RGPD1: variants seen among roughly 807,000 people sequenced by gnomAD.
RGPD1 encodes the protein RANBP2 like and GRIP domain containing 1.
Under a neutral mutation model 40.6 loss-of-function variants are expected in RGPD1, and 7 were observed. The ratio of observed to expected loss-of-function variants is 0.17; its 90% CI spans 0.10 to 0.32. The LOEUF (loss-of-function observed/expected upper bound fraction) is 0.32, where lower values mean the gene tolerates loss of function less well. RGPD1 is among the 10% of genes least tolerant of loss of function. The pLI is 1.00. For missense variants in RGPD1, 50 were observed against 472.5 expected (o/e 0.11, Z 8.29); for synonymous variants, 24 against 167.0 (o/e 0.14, Z 6.60).
chr2:86,943,493 A>G (rs1680082339), intron 1 of RGPD1, among the ~76,000 whole-genome samples: 1 of 152,134 alleles, frequency 6.6e-6, no homozygotes, highest in Admixed American at 6.5e-5. Flanking sequence ...AGAAGCTATT[A>G]AAGGTGGATG....
intron 1 of RGPD1, among the ~76,000 whole-genome samples, chr2:86,919,713 C>T (rs1479557322): frequency 3.6e-3 from 397 of 111,330 alleles, no homozygotes; most frequent in African/African-American, 0.012. Context: ...TATAGAATTA[C>T]ACCTGCCTCC....
intron 1 of RGPD1, 72 bp downstream of exon 1, chr2:86,942,380 CCTCGACCT>C: frequency 2.1e-6 from 3 of 1,414,860 alleles, no homozygotes; most frequent in Admixed American, 2.6e-5. Flanking sequence ...CGGGCGGCGG[CCTCGACCT>C]GGCCGGGCGG....
intron 1 of RGPD1, among the ~76,000 whole-genome samples, chr2:86,914,180 GGAC>G (rs1425312585): frequency 1.7e-4 from 10 of 58,626 alleles, no homozygotes; most frequent in African/African-American, 5.3e-4. Context: ...CGGCCTGGCC[GGAC>G]GGCGGCGGCG....
Position 86,922,985 on chromosome 2 carries a change from G to GT in RGPD1, c.72+9070dup, listed in dbSNP as rs1469523916. Among the ~76,000 whole-genome samples the GT allele has an allele frequency of 8.7e-5, 8 of 92,260 alleles. No individual in the cohort carries two copies. The South Asian group carries it at 1.2e-3, about 14-fold the overall frequency. The allele number at this position is 92,260 out of a possible 152,430, so 60.5% of individuals were successfully genotyped here. ...ACAGCATTTACCTTTTTTATGCAGT[G>GT]TTTTTTAAATTAAGGTTCTCAATCG... On this transcript the variant is annotated intron_variant, in intron 1 of 22. Coordinates refer to the RGPD1 transcript ENST00000398193.
chr2:87,003,364 GC>G (rs1682010519), intron 22 of RGPD1, among the ~76,000 whole-genome samples: 2 of 149,382 alleles, frequency 1.3e-5, no homozygotes, highest in Non-Finnish European at 2.9e-5. Flanking sequence ...ATGCTACTCT[GC>G]CTAAGGTCAA....
chr2:86,942,404 T>A (rs1331588471), intron 1 of RGPD1, 96 bp downstream of exon 1: 2 of 1,248,334 alleles, frequency 1.6e-6, no homozygotes, highest in African/African-American at 3.2e-5. Context: ...GGCGGCGGCC[T>A]CGATGGCTCA....
At chr2:86,913,731 T>C (rs1469572565), upstream of RGPD1, 7 of 1,353,456 alleles carry the variant, frequency 5.2e-6, 1 homozygote, top group Non-Finnish European at 6.9e-6. Flanking sequence ...CACAAGTGCG[T>C]CACAGTGGTC....
intron 1 of RGPD1, among the ~76,000 whole-genome samples, chr2:86,925,611 G>A (rs1366733139): frequency 6.6e-6 from 1 of 152,024 alleles, no homozygotes; most frequent in Non-Finnish European, 1.5e-5. Context: ...AAGGCATATT[G>A]TATATACAGG....
chr2:86,920,194 T>C (rs59993877), intron 1 of RGPD1, among the ~76,000 whole-genome samples: 57,516 of 151,532 alleles, frequency 0.38, 11,900 homozygotes, highest in East Asian at 0.46. Flanking sequence ...CTCAGCCTCC[T>C]GAGTAGCTGG....
chr2:86,942,358 C>T (rs1679871875), intron 1 of RGPD1, 50 bp downstream of exon 1: 5 of 1,376,576 alleles, frequency 3.6e-6, no homozygotes, highest in Middle Eastern at 2.7e-4. Context: ...CGGGCGGCGG[C>T]CTCGACCTGG....
At chr2:87,006,407 ATTAG>A (rs1298146527) in intron 22 of RGPD1, among the ~76,000 whole-genome samples, 5 of 46,786 alleles carry the variant, frequency 1.1e-4, no homozygotes, top group Non-Finnish European at 1.8e-4. Flanking sequence ...TTGTGAACAT[ATTAG>A]TTTAAATAAA....
upstream of RGPD1, among the ~76,000 whole-genome samples, chr2:86,941,554 TC>T (rs1453917247): frequency 6.7e-6 from 1 of 150,318 alleles, no homozygotes; most frequent in Non-Finnish European, 1.5e-5. Context: ...GAATGGCTGT[TC>T]CTATATACAC....
At chr2:86,947,616 C>T (rs1157317524) in intron 1 of RGPD1, among the ~76,000 whole-genome samples, 1 of 118,830 alleles carries the variant, frequency 8.4e-6, no homozygotes, top group African/African-American at 3.0e-5. Flanking sequence ...ATTTCTTACC[C>T]TTTTTTTAAT....
chr2:86,942,295 C>G lies in RGPD1; in HGVS notation c.59C>G (p.Pro20Arg), dbSNP rs1176734759. The part of the protein sequence containing the change: ...RYVASVQGSA[P>R]SPGKKLRGFY... ...GTCGCCTCGGTGCAGGGCTCCGCCC[C>G]GTCGCCTGGAAAGGTGAGTGGATCT... Residue 20 changes from proline to arginine, a missense_variant, in exon 1 of 23, where the codon CCG becomes CGG. Physicochemically the swap from Pro to Arg is moderately radical, Grantham distance 103. Coordinates refer to ENST00000641458, the MANE Select transcript of RGPD1 (RefSeq NM_001382344.1). The G allele has an allele frequency of 1.9e-6, 3 of 1,599,832 alleles. No homozygotes were observed. Among genetic ancestry groups the G allele is most frequent in the African/African-American group, 1.3e-5 (1 of 74,390 alleles).
At chr2:86,936,752 C>T (rs1346465066) in intron 1 of RGPD1, among the ~76,000 whole-genome samples, 2 of 115,652 alleles carry the variant, frequency 1.7e-5, no homozygotes, top group Non-Finnish European at 3.4e-5. Flanking sequence ...CTCCGAAGTG[C>T]TGCGATTACA....
chr2:86,938,844 A>T (rs1262629105), upstream of RGPD1, among the ~76,000 whole-genome samples: 1 of 131,674 alleles, frequency 7.6e-6, no homozygotes, highest in Non-Finnish European at 1.7e-5. Context: ...GTGCCACTGT[A>T]CTCCAGCCTG....
At chr2:86,942,874 G>T (rs1471129661) in intron 1 of RGPD1, among the ~76,000 whole-genome samples, 4 of 151,946 alleles carry the variant, frequency 2.6e-5, no homozygotes, top group Admixed American at 1.3e-4. Flanking sequence ...TACCTTTGGC[G>T]CCGGATCTTC....
chr2:86,914,222 GCCT>G (rs2104643624), intron 1 of RGPD1, among the ~76,000 whole-genome samples: 2 of 105,320 alleles, frequency 1.9e-5, no homozygotes, highest in Non-Finnish European at 4.0e-5. Context: ...GGCGGCGGCG[GCCT>G]CGGCCTGGCC....
At chr2:86,960,160 G>T (rs1680875701) in intron 6 of RGPD1, among the ~76,000 whole-genome samples, 1 of 104,418 alleles carries the variant, frequency 9.6e-6, no homozygotes, top group Admixed American at 8.8e-5. Flanking sequence ...ATGAGGGGGT[G>T]ACTGGGGGCC....
Sources: allele counts gnomAD v4.1 joint callset (sites outside exome capture counted in the v4.1 genomes callset), GRCh38; gene constraint gnomAD v4.1.1; transcripts MANE v1.5; gene names NCBI Gene and HGNC (gene_info 2026-07-23, HGNC 2026-07-21).